The following CELSR1 variants were observed in gnomAD, a reference collection of about 807,000 sequenced individuals.
CELSR1 encodes cadherin EGF LAG seven-pass G-type receptor 1.
CELSR1 carries 110 observed loss-of-function variants against 249.1 expected under a neutral mutation model. That is an observed-to-expected ratio of 0.44 (90% CI 0.38 to 0.52). The LOEUF is 0.52. Among genes scored for constraint, CELSR1 ranks in the 20% least tolerant of loss-of-function variants. The pLI, the probability that CELSR1 is intolerant of heterozygous loss-of-function variation, is 0.00. For synonymous variants in CELSR1, 2,113 were observed against 1,900.0 expected (o/e 1.11, Z -2.92); for missense variants, 4,109 against 4,296.4 (o/e 0.96, Z 1.22).
rs549543233 is a variant in CELSR1 at position 46,527,314 on chromosome 22, A to AC, written c.3544+6312dup. ...GATGTCCCCAGCTTCCCTCCCCTCCACTCTCACCGCCCAGCAGCTGGGACA... is the reference window on the plus strand; with the variant it reads ...GATGTCCCCAGCTTCCCTCCCCTCCACCTCTCACCGCCCAGCAGCTGGGACA... On this transcript the variant is annotated intron_variant, in intron 1 of 34. Transcript: ENST00000674500. The surrounding 1 kb of genome is among the most constrained non-coding windows in gnomAD (Gnocchi z 5.5). Among the ~76,000 whole-genome samples, 101 of 149,766 alleles carry AC rather than the reference A, an allele frequency of 6.7e-4. No individual in the cohort carries two copies. The highest frequency in any genetic ancestry group is 1.5e-3 in the Admixed American group (22 of 15,042).
chr22:46,405,937 C>G (rs1421247460), intron 9 of CELSR1, among the ~76,000 whole-genome samples: 2 of 152,254 alleles, frequency 1.3e-5, no homozygotes, highest in Admixed American at 1.3e-4. Flanking sequence ...TTCTGGGTGC[C>G]CAGTGGGGTC....
intron 22 of CELSR1, among the ~76,000 whole-genome samples, chr22:46,379,975 C>T (rs1436322726): frequency 6.6e-6 from 1 of 152,280 alleles, no homozygotes; most frequent in South Asian, 2.1e-4. Context: ...AAAGTGAAAA[C>T]CAACCAGCAG....
In CELSR1 at chr22:46,436,106, G is replaced by T; in HGVS notation, c.4522+68C>A. The T allele has an allele frequency of 8.1e-7, 1 of 1,238,804 alleles. No homozygotes were observed. The allele number at this position is 1,238,804 out of a possible 1,614,324, so 76.7% of individuals were successfully genotyped here. ...AGCTTGGAGGCGCTGCACAGGGCGA[G>T]GGTCGTTTTAACCCACAAAGTATCT... On this transcript the variant is annotated intron_variant, in intron 4 of 34. Transcript: ENST00000674500. The surrounding 1 kb of genome is among the most constrained non-coding windows in gnomAD (Gnocchi z 5.9).
rs373422945 is a variant in CELSR1 at position 46,439,178 on chromosome 22, C to T, written c.4406+11G>A. The T allele has an allele frequency of 4.9e-5, 78 of 1,607,360 alleles. No individual in the cohort carries two copies. The highest frequency in any genetic ancestry group is 1.5e-4 in the African/African-American group (11 of 74,836). ...GAGACCCCCGTGTGGCGCGGCGGGACGCACACTCACGTGAGGGAGATGGTG... is the reference window on the plus strand; with the variant it reads ...GAGACCCCCGTGTGGCGCGGCGGGATGCACACTCACGTGAGGGAGATGGTG... On this transcript the variant is annotated intron_variant, in intron 3 of 34. Coordinates refer to ENST00000674500, the MANE Select transcript of CELSR1 (RefSeq NM_001378328.1).
intron 28 of CELSR1, 23 bp downstream of exon 28, chr22:46,367,706 C>T (rs377097755): frequency 4.9e-5 from 77 of 1,579,498 alleles, no homozygotes; most frequent in Middle Eastern, 1.7e-4. Context: ...AGGGGTCCCG[C>T]GGGCAACTCG....
At position 46,536,537 on chromosome 22, in the gene CELSR1, G is replaced by A; in HGVS notation, c.634C>T (p.Pro212Ser). Residue 212 changes from proline (P) to serine (S), a missense_variant, in exon 1 of 35, where the codon CCA becomes TCA. Around this residue, in one of 7 missense-constraint regions of CELSR1, gnomAD observed 673 missense variants for 636.8 expected, o/e 1.06. Coordinates refer to ENST00000674500, the MANE Select transcript of CELSR1 (RefSeq NM_001378328.1). ...AATAGTPSAS[P>S]SPSPPLPPNL... ...GGCGGCAGGGGCGGCGATGGGGATG[G>A]CGACGCGGAGGGCGTCCCCGCGGTG... 2.9e-6 allele frequency: 4 copies of A among 1,400,414 alleles called. No homozygotes were observed. The highest frequency in any genetic ancestry group is 3.7e-6 in the Non-Finnish European group (4 of 1,085,064). The allele number at this position is 1,400,414 out of a possible 1,614,324, so 86.7% of individuals were successfully genotyped here.
At chr22:46,456,739 G>C (rs1439564906) in intron 2 of CELSR1, among the ~76,000 whole-genome samples, 1 of 146,806 alleles carries the variant, frequency 6.8e-6, no homozygotes, top group Non-Finnish European at 1.5e-5. Flanking sequence ...TTTTACAACA[G>C]AATCGCAGAA....
At position 46,409,621 on chromosome 22, in the gene CELSR1, A is replaced by G; in HGVS notation, c.5059+134T>C. 9.3e-7 allele frequency: 1 copy of G among 1,073,090 alleles called. No individual in the cohort carries two copies. The highest frequency in any genetic ancestry group is 1.4e-6 in the Non-Finnish European group (1 of 732,856). 66.5% of individuals were successfully genotyped at this position (1,073,090 alleles called of 1,614,324 possible). A position where few individuals can be genotyped will look rare whatever the true frequency, so the allele number is the denominator to read the frequency against. ...CTTGGAGAGGGCGGTGTGAGTCCAC[A>G]GTAAATGCAGCATATACCACCAGAG... On this transcript the variant is annotated intron_variant, in intron 8 of 34. Coordinates refer to ENST00000674500, the MANE Select transcript of CELSR1 (RefSeq NM_001378328.1). The surrounding 1 kb of genome is among the most constrained non-coding windows in gnomAD (Gnocchi z 9.8).
intron 9 of CELSR1, among the ~76,000 whole-genome samples, chr22:46,405,376 C>T (rs1190161128): frequency 6.7e-6 from 1 of 148,472 alleles, no homozygotes; most frequent in Non-Finnish European, 1.5e-5. Flanking sequence ...AGGAGAATGG[C>T]GTGAACCTGG....
chr22:46,379,308 C>T (rs1233583836), intron 22 of CELSR1, among the ~76,000 whole-genome samples: 1 of 152,220 alleles, frequency 6.6e-6, no homozygotes, highest in Non-Finnish European at 1.5e-5. Context: ...TAAGGTGTGT[C>T]TCAGCTTCAG....
Position 46,374,636 on chromosome 22 carries a change from G to A in CELSR1, c.7585-1579C>T, listed in dbSNP as rs1164423509. Among the ~76,000 whole-genome samples, 2 of 152,164 alleles carry A rather than the reference G, an allele frequency of 1.3e-5. No homozygotes were observed. The highest frequency in any genetic ancestry group is 4.8e-5 in the African/African-American group (2 of 41,444). On this transcript the variant is annotated intron_variant, in intron 24 of 34. Coordinates refer to ENST00000674500, the MANE Select transcript of CELSR1 (RefSeq NM_001378328.1). The surrounding 1 kb of genome is among the most constrained non-coding windows in gnomAD (Gnocchi z 4.3). ...GACGAGTCAGTGTGGGAACCCAGGG[G>A]CCGCCTCAGTTTCGCTGGGGTGTTG... is the stretch of plus-strand genomic sequence containing the variant.
At position 46,395,283 on chromosome 22, in the gene CELSR1, C is replaced by T. The variant is rs964929133; in HGVS notation, c.5844-1021G>A. 2.0e-5 allele frequency among the ~76,000 whole-genome samples: 3 copies of T among 152,306 alleles called. No homozygotes were observed. Among genetic ancestry groups the T allele is most frequent in the South Asian group, 4.1e-4 (2 of 4,828 alleles). On this transcript the variant is annotated intron_variant, in intron 13 of 34. Coordinates refer to ENST00000674500, the MANE Select transcript of CELSR1 (RefSeq NM_001378328.1). The surrounding 1 kb of genome is among the most constrained non-coding windows in gnomAD (Gnocchi z 5.5). ...GCAACTCCCCCTGCTCCAAGCTGTG[C>T]TCCATGCGGCAGGTGGGGGTTCCCT...
intron 18 of CELSR1, among the ~76,000 whole-genome samples, chr22:46,389,080 A>G (rs2079060794): frequency 6.6e-6 from 1 of 152,234 alleles, no homozygotes; most frequent in African/African-American, 2.4e-5. Flanking sequence ...TGTGACCTGC[A>G]TGTTTCCTTC....
intron 17 of CELSR1, among the ~76,000 whole-genome samples, chr22:46,389,761 T>G (rs536849966): frequency 1.3e-5 from 2 of 151,418 alleles, no homozygotes; most frequent in Non-Finnish European, 2.9e-5. Flanking sequence ...ACTCTCTATT[T>G]TGAAAATACT....
chr22:46,458,157 G>T (rs2079979023), intron 2 of CELSR1, among the ~76,000 whole-genome samples: 1 of 152,174 alleles, frequency 6.6e-6, no homozygotes, highest in Non-Finnish European at 1.5e-5. Context: ...CCTGGGGGAA[G>T]GTGCGCTGGA....
Position 46,517,318 on chromosome 22 carries a change from C to T in CELSR1, c.3544+16309G>A, listed in dbSNP as rs1319133273. On this transcript the variant is annotated intron_variant, in intron 1 of 34. Transcript: ENST00000674500. This position sits in a 1 kb window ranked among gnomAD's most constrained non-coding sequence, Gnocchi z 5.4. ...GAAGAGAGAATTCCTGCCACAAATG[C>T]AATGGGTTTCCCGGGCCAAACCGGA... 6.6e-6 allele frequency among the ~76,000 whole-genome samples: 1 copy of T among 152,236 alleles called. No individual in the cohort carries two copies.
intron 18 of CELSR1, among the ~76,000 whole-genome samples, chr22:46,387,857 C>A (rs1208239567): frequency 2.6e-5 from 4 of 152,128 alleles, no homozygotes. Flanking sequence ...CAGAACTCCT[C>A]CTGAACTCCA....
rs1284904011 is a variant in CELSR1 at position 46,447,767 on chromosome 22, A to C, written c.4184-8356T>G. On this transcript the variant is annotated intron_variant, in intron 2 of 34. Coordinates refer to ENST00000674500, the MANE Select transcript of CELSR1 (RefSeq NM_001378328.1). This position sits in a 1 kb window ranked among gnomAD's most constrained non-coding sequence, Gnocchi z 4.7. ...CCCGAGTTGCTGGGATTACAGGTGC[A>C]CACCACCACACCTGGCTAATTTTTG... Among the ~76,000 whole-genome samples, 2 of 152,038 alleles carry C rather than the reference A, an allele frequency of 1.3e-5. No individual in the cohort carries two copies. Among genetic ancestry groups the C allele is most frequent in the African/African-American group, 2.4e-5 (1 of 41,400 alleles).
intron 2 of CELSR1, among the ~76,000 whole-genome samples, chr22:46,456,091 T>G (rs2079945870): frequency 6.6e-6 from 1 of 152,264 alleles, no homozygotes; most frequent in Admixed American, 6.5e-5. Flanking sequence ...TTACAGGTTA[T>G]GTAATGAGTT....
Sources: gnomAD v4.1 joint callset for allele counts (sites outside exome capture counted in the v4.1 genomes callset) on GRCh38, gnomAD v4.1.1 for gene constraint, gnomAD v4.1.1 regional missense constraint, Gnocchi (gnomAD v3.1) non-coding constraint, MANE v1.5 for transcripts, NCBI Gene and HGNC (gene_info 2026-07-23, HGNC 2026-07-21) for gene names.